PCNX2: variants seen among roughly 807,000 people sequenced by gnomAD.
PCNX2 encodes pecanex-like protein 2.
A neutral mutation model predicts 223.8 loss-of-function variants in PCNX2; 168 were observed. The observed-to-expected ratio is 0.75, with a 90% CI of 0.66 to 0.85. The LOEUF (loss-of-function observed/expected upper bound fraction) is 0.85, where lower values mean the gene tolerates loss of function less well. Among genes scored for constraint, PCNX2 ranks in the 40% least tolerant of loss-of-function variants. The pLI, the probability that PCNX2 is intolerant of heterozygous loss-of-function variation, is 0.00. For synonymous variants in PCNX2, 1,006 were observed against 1,052.6 expected (o/e 0.96, Z 0.86); for missense variants, 2,507 against 2,675.5 (o/e 0.94, Z 1.39).
chr1:233,048,603 A>C (rs1018421294), intron 25 of PCNX2, among the ~76,000 whole-genome samples: 5 of 152,236 alleles, frequency 3.3e-5, no homozygotes, highest in Admixed American at 2.0e-4. Flanking sequence ...ACCTAAAGGA[A>C]CTAGAAAAAC....
intron 17 of PCNX2, among the ~76,000 whole-genome samples, chr1:233,166,797 G>A (rs1455728018): frequency 1.3e-5 from 2 of 151,812 alleles, no homozygotes; most frequent in Non-Finnish European, 2.9e-5. Context: ...TTTTTGGTGG[G>A]AATGTAGATA....
intron 21 of PCNX2, among the ~76,000 whole-genome samples, chr1:233,109,443 G>T (rs181933922): frequency 1.3e-5 from 2 of 152,348 alleles, no homozygotes; most frequent in East Asian, 3.9e-4. Context: ...CCGGATGAAA[G>T]ATTGAATGGG....
intron 1 of PCNX2, chr1:233,290,921 A>G (rs1661723314): frequency 2.0e-6 from 2 of 985,264 alleles, no homozygotes; most frequent in African/African-American, 3.5e-5. Flanking sequence ...ATTAAGTCTA[A>G]TGTTGCCCGG....
Position 233,218,700 on chromosome 1 carries a change from A to G in PCNX2, c.2505-516T>C, listed in dbSNP as rs533511785. On this transcript the variant is annotated intron_variant, in intron 10 of 33. Coordinates refer to ENST00000258229, the MANE Select transcript of PCNX2 (RefSeq NM_014801.4). ...CCTCATGCTATATAAACAAAATCCA[A>G]CTTAATACCAGATTTTTGTTATTGA... Among the ~76,000 whole-genome samples the G allele has an allele frequency of 9.9e-5, 15 of 152,240 alleles. No homozygotes were observed. The South Asian group carries it at 3.1e-3, about 32-fold the overall frequency.
At position 233,031,816 on chromosome 1, in the gene PCNX2, G is replaced by T; in HGVS notation, c.4352-6417C>A. 6 of 982,904 alleles carry T rather than the reference G, an allele frequency of 6.1e-6. No homozygotes were observed. The South Asian group carries it at 2.8e-4, about 46-fold the overall frequency. 60.9% of individuals were successfully genotyped at this position (982,904 alleles called of 1,614,324 possible). A position where few individuals can be genotyped will look rare whatever the true frequency, so the allele number is the denominator to read the frequency against. ...TTTTTTTTTTTTTAAACATTTCAAG[G>T]GTCTCTTAACTCATTCTCCAATATA... is the stretch of plus-strand genomic sequence containing the variant. On this transcript the variant is annotated intron_variant, in intron 25 of 33. Coordinates refer to ENST00000258229, the MANE Select transcript of PCNX2 (RefSeq NM_014801.4).
Position 232,986,354 on chromosome 1 carries a change from G to A in PCNX2, c.5978C>T (p.Ser1993Phe). 6.2e-7 allele frequency: 1 copy of A among 1,600,924 alleles called. No homozygotes were observed. The change falls in exon 33 of 34, where the codon TCC becomes TTC. Residue 1993 changes from serine (S) to phenylalanine (F), a missense_variant. By Grantham distance (155) the Ser-to-Phe change is radical (BLOSUM62 -2). This residue lies in a region of PCNX2 where 1,372 missense variants were observed against 1,509.4 expected (regional missense o/e 0.91). Transcript: ENST00000258229. Reference protein sequence around the residue: ...SRLSLHASATSLHSQPPPVTT... With the variant: ...SRLSLHASATFLHSQPPPVTT... ...GACGGGCGGGGGCTGAGAGTGCAGG[G>A]ACGTGGCCGAGGCGTGCAAGGAGAG...
intron 1 of PCNX2, among the ~76,000 whole-genome samples, chr1:233,267,868 G>A (rs769515273): frequency 6.6e-6 from 1 of 152,010 alleles, no homozygotes; most frequent in Non-Finnish European, 1.5e-5. Flanking sequence ...CAGTTCTTTT[G>A]AGTATATACC....
chr1:233,320,717 C>A, the PCNX2 span, among the ~76,000 whole-genome samples: 3 of 152,124 alleles, frequency 2.0e-5, no homozygotes, highest in Non-Finnish European at 4.4e-5. Context: ...TTTGGAGATA[C>A]CAAAATGACA....
the PCNX2 span, among the ~76,000 whole-genome samples, chr1:233,317,459 CT>C: frequency 6.6e-6 from 1 of 151,744 alleles, no homozygotes; most frequent in African/African-American, 2.4e-5. Context: ...ACAAAAAAAA[CT>C]GATGACAACA....
chr1:233,243,295 C>T (rs1256630377), intron 8 of PCNX2, among the ~76,000 whole-genome samples: 1 of 152,130 alleles, frequency 6.6e-6, no homozygotes, highest in Non-Finnish European at 1.5e-5. Flanking sequence ...AAGAATCAGC[C>T]GTTTAATGGC....
chr1:233,107,021 A>G (rs1476735255), intron 21 of PCNX2, among the ~76,000 whole-genome samples: 1 of 152,144 alleles, frequency 6.6e-6, no homozygotes, highest in Non-Finnish European at 1.5e-5. Flanking sequence ...AAAACAAAAT[A>G]TAATAATACG....
intron 22 of PCNX2, among the ~76,000 whole-genome samples, chr1:233,094,863 C>T (rs1172336429): frequency 2.6e-5 from 4 of 152,070 alleles, no homozygotes; most frequent in African/African-American, 7.2e-5. Context: ...TCTAGGATCC[C>T]GCCCAGTGAA....
intron 23 of PCNX2, chr1:233,057,502 A>G (rs1672237253): frequency 3.8e-6 from 2 of 526,980 alleles, no homozygotes; most frequent in Non-Finnish European, 6.9e-6. Context: ...GAAGGGAGAG[A>G]TGAGTAGCTC....
At chr1:233,094,236 A>C (rs1674032106) in intron 22 of PCNX2, among the ~76,000 whole-genome samples, 1 of 152,238 alleles carries the variant, frequency 6.6e-6, no homozygotes, top group Non-Finnish European at 1.5e-5. Context: ...GCATTAATCT[A>C]ATCATTTTCA....
At chr1:233,193,995 T>C (rs767296863) in intron 15 of PCNX2, among the ~76,000 whole-genome samples, 10 of 151,866 alleles carry the variant, frequency 6.6e-5, no homozygotes, top group African/African-American at 9.7e-5. Context: ...AGAAGACATA[T>C]TTGAAATGAG....
intron 8 of PCNX2, among the ~76,000 whole-genome samples, chr1:233,248,567 T>C (rs951638215): frequency 3.3e-5 from 5 of 152,056 alleles, no homozygotes; most frequent in African/African-American, 7.2e-5. Flanking sequence ...ATGGCAAAAC[T>C]AGGCCCCAAT....
chr1:233,058,026 T>C (rs912283738), intron 23 of PCNX2: 4 of 985,398 alleles, frequency 4.1e-6, no homozygotes, highest in Non-Finnish European at 3.6e-6. Flanking sequence ...TTATAGACCT[T>C]TCTTAGGTTG....
At chr1:233,254,702 C>CT (rs565430023) in intron 5 of PCNX2, among the ~76,000 whole-genome samples, 4,561 of 141,878 alleles carry the variant, frequency 0.032, 178 homozygotes, top group African/African-American at 0.1. Flanking sequence ...GATATACGCA[C>CT]TTTTTTTTTT....
chr1:233,160,558 C>A, intron 18 of PCNX2, 125 bp from the exon 19 acceptor site: 2 of 1,098,198 alleles, frequency 1.8e-6, no homozygotes, highest in East Asian at 5.1e-5. Context: ...AGACTCAGTT[C>A]TTGTTTCAGG....
Sources: allele counts gnomAD v4.1 joint callset (sites outside exome capture counted in the v4.1 genomes callset), GRCh38; gene constraint gnomAD v4.1.1; regional missense constraint gnomAD v4.1.1; transcripts MANE v1.5; gene names NCBI Gene and HGNC (gene_info 2026-07-23, HGNC 2026-07-21).